Variants in ASIC2 observed in about 807,000 individuals in gnomAD.
ASIC2 encodes the protein acid-sensing ion channel 2.
In ASIC2, 25 loss-of-function variants were observed where a neutral mutation model predicts 57.3. The ratio of observed to expected loss-of-function variants is 0.44; its 90% confidence interval spans 0.32 to 0.61. The LOEUF (loss-of-function observed/expected upper bound fraction) is 0.61. Among genes scored for constraint, ASIC2 ranks in the 20% least tolerant of loss-of-function variants. The probability of loss-of-function intolerance (pLI) is 0.06; values close to 1 mark genes in which losing one functional copy is unlikely to be tolerated. For missense variants in ASIC2, 641 were observed against 738.1 expected (o/e 0.87, Z 1.52); for synonymous variants, 319 against 307.5 (o/e 1.04, Z -0.39).
chr17:33,739,267 T>C (rs1236701832), intron 1 of ASIC2, among the ~76,000 whole-genome samples: 1 of 152,178 alleles, frequency 6.6e-6, no homozygotes, highest in African/African-American at 2.4e-5. Flanking sequence ...CCCAAAGTGA[T>C]CCATGGGTCA....
At chr17:33,865,689 G>T (rs540657065) in intron 1 of ASIC2, among the ~76,000 whole-genome samples, 51 of 146,656 alleles carry the variant, frequency 3.5e-4, no homozygotes, top group Non-Finnish European at 6.8e-4. Context: ...CATGGCACAT[G>T]TATACATATG....
intron 1 of ASIC2, among the ~76,000 whole-genome samples, chr17:34,088,883 G>T (rs543887092): frequency 6.6e-6 from 1 of 152,182 alleles, no homozygotes. Flanking sequence ...TTTTAAGCCC[G>T]TCGGAAAAGC....
chr17:33,407,970 TC>T (rs35454044), intron 1 of ASIC2, among the ~76,000 whole-genome samples: 14 of 152,230 alleles, frequency 9.2e-5, no homozygotes, highest in Admixed American at 8.5e-4. Flanking sequence ...TCCAAATCCT[TC>T]CTGTTCATGG....
chr17:33,526,880 G>A (rs913719281), intron 1 of ASIC2, among the ~76,000 whole-genome samples: 1 of 152,186 alleles, frequency 6.6e-6, no homozygotes, highest in Admixed American at 6.5e-5. Flanking sequence ...AATTCCTCAT[G>A]GTCGAATGCA....
At chr17:33,738,247 A>G (rs1439707132) in intron 1 of ASIC2, among the ~76,000 whole-genome samples, 2 of 152,164 alleles carry the variant, frequency 1.3e-5, no homozygotes, top group African/African-American at 4.8e-5. Context: ...GCCTCTTCTT[A>G]GATGTGGTTG....
At chr17:33,082,688 G>C (rs1250703287) in intron 3 of ASIC2, among the ~76,000 whole-genome samples, 1 of 148,490 alleles carries the variant, frequency 6.7e-6, no homozygotes, top group Non-Finnish European at 1.5e-5. Context: ...GACAGAGTGA[G>C]ACTCTGTCTC....
At chr17:34,152,271 GA>G (rs1904556282) in intron 1 of ASIC2, among the ~76,000 whole-genome samples, 1 of 152,188 alleles carries the variant, frequency 6.6e-6, no homozygotes, top group Non-Finnish European at 1.5e-5. Flanking sequence ...ATACAACTAT[GA>G]AAGTAGGTTA....
intron 2 of ASIC2, among the ~76,000 whole-genome samples, chr17:33,104,139 G>T (rs1310437773): frequency 2.0e-5 from 3 of 152,076 alleles, no homozygotes; most frequent in Non-Finnish European, 2.9e-5. Context: ...AAATTGGCTG[G>T]CATCTATTTA....
At chr17:34,125,557 C>T (rs1046384096) in intron 1 of ASIC2, among the ~76,000 whole-genome samples, 2 of 152,028 alleles carry the variant, frequency 1.3e-5, no homozygotes, top group African/African-American at 4.8e-5. Flanking sequence ...TGAAACGATA[C>T]CCAAATGACA....
At chr17:33,618,758 C>T (rs1410740025) in intron 1 of ASIC2, among the ~76,000 whole-genome samples, 1 of 152,178 alleles carries the variant, frequency 6.6e-6, no homozygotes, top group African/African-American at 2.4e-5. Context: ...TCATATTTGT[C>T]TTTTCCTACT....
At chr17:34,055,064 G>A (rs182650902) in intron 1 of ASIC2, among the ~76,000 whole-genome samples, 1 of 152,198 alleles carries the variant, frequency 6.6e-6, no homozygotes. Context: ...GAGTCCAGTG[G>A]GACTAAAGGA....
chr17:33,436,702 T>TTAAA lies in ASIC2; in HGVS notation c.556-324639_556-324636dup, dbSNP rs1377903615. Among the ~76,000 whole-genome samples the TTAAA allele has an allele frequency of 2.0e-5, 3 of 152,138 alleles. No individual in the cohort carries two copies. The East Asian group carries it at 5.8e-4, about 29-fold the overall frequency. ...CTTTCACTCAGCTGCTCTGCATTAATTAAACCCTTTCTTTACCGCAATACC... is the reference window on the plus strand; with the variant it reads ...CTTTCACTCAGCTGCTCTGCATTAATTAAATAAACCCTTTCTTTACCGCAATACC... On this transcript the variant is annotated intron_variant, in intron 1 of 9. Coordinates refer to the ASIC2 transcript ENST00000359872.
At chr17:33,760,822 C>G (rs1049418090) in intron 1 of ASIC2, among the ~76,000 whole-genome samples, 1 of 152,160 alleles carries the variant, frequency 6.6e-6, no homozygotes, top group African/African-American at 2.4e-5. Context: ...CCATTGTTCT[C>G]TTCTTGAGCC....
At chr17:33,121,491 G>A (rs2092301979) in intron 1 of ASIC2, among the ~76,000 whole-genome samples, 1 of 152,128 alleles carries the variant, frequency 6.6e-6, no homozygotes, top group East Asian at 1.9e-4. Flanking sequence ...CAGTGGTGGC[G>A]ACAGCAGTGG....
At chr17:33,048,575 C>T (rs1158800525) in intron 3 of ASIC2, among the ~76,000 whole-genome samples, 1 of 152,168 alleles carries the variant, frequency 6.6e-6, no homozygotes, top group Non-Finnish European at 1.5e-5. Flanking sequence ...CTCTCATTTT[C>T]CAGAAGAGGA....
intron 1 of ASIC2, among the ~76,000 whole-genome samples, chr17:33,780,989 C>T (rs1047479584): frequency 6.6e-6 from 1 of 152,108 alleles, no homozygotes; most frequent in Admixed American, 6.5e-5. Flanking sequence ...GGCACAGGGC[C>T]GGGCTCAGGC....
intron 8 of ASIC2, among the ~76,000 whole-genome samples, chr17:33,017,360 C>T (rs1377613512): frequency 6.6e-6 from 1 of 151,772 alleles, no homozygotes; most frequent in Non-Finnish European, 1.5e-5. Flanking sequence ...GTAGATGGCC[C>T]AGTGCTGTTC....
chr17:34,038,306 T>C (rs1343734350), intron 1 of ASIC2: 1 of 1,610,198 alleles, frequency 6.2e-7, no homozygotes, highest in African/African-American at 1.3e-5. Context: ...CTCACAGTAT[T>C]CTAATACTGT....
chr17:34,133,047 G>C (rs985547587), intron 1 of ASIC2, among the ~76,000 whole-genome samples: 2 of 152,142 alleles, frequency 1.3e-5, no homozygotes, highest in African/African-American at 4.8e-5. Flanking sequence ...ATATGTAAAG[G>C]CAGAAGAGAA....
Sources: allele counts gnomAD v4.1 joint callset (sites outside exome capture counted in the v4.1 genomes callset), GRCh38; gene constraint gnomAD v4.1.1; transcripts MANE v1.5; gene names NCBI Gene and HGNC (gene_info 2026-07-23, HGNC 2026-07-21).